The following MBNL2 variants were observed in gnomAD, a reference collection of about 807,000 sequenced individuals.
MBNL2 encodes muscleblind like splicing regulator 2.
In MBNL2, 17 loss-of-function variants were observed where a neutral mutation model predicts 41.9. That is an observed-to-expected ratio of 0.41 (90% confidence interval 0.28 to 0.61). The LOEUF is 0.61. Ranked by LOEUF, MBNL2 falls within the 20% of genes least tolerant of loss-of-function variation. The pLI is 0.35. For synonymous variants in MBNL2, 195 were observed against 182.9 expected, an observed-to-expected ratio of 1.07 and a Z score of -0.53; for missense variants, 336 against 505.6, an observed-to-expected ratio of 0.66 and a Z score of 3.22.
intron 7 of MBNL2, among the ~76,000 whole-genome samples, chr13:97,364,388 C>T (rs1313794034): frequency 6.6e-6 from 1 of 152,132 alleles, no homozygotes; most frequent in Non-Finnish European, 1.5e-5. Flanking sequence ...AGTGTTTAAG[C>T]TTTATTGCCA....
intron 5 of MBNL2, among the ~76,000 whole-genome samples, chr13:97,350,373 G>T (rs1297804805): frequency 2.0e-5 from 3 of 152,148 alleles, no homozygotes; most frequent in Non-Finnish European, 4.4e-5. Flanking sequence ...ACTGGTGAAA[G>T]TTGTGATGGC....
chr13:97,212,592 G>A, the MBNL2 span, among the ~76,000 whole-genome samples: 5 of 152,170 alleles, frequency 3.3e-5, no homozygotes, highest in Non-Finnish European at 5.9e-5. Context: ...GCCTGCCTGG[G>A]GCAAATGGGC....
At chr13:97,379,668 T>C (rs994533796) in intron 8 of MBNL2, among the ~76,000 whole-genome samples, 5 of 102,434 alleles carry the variant, frequency 4.9e-5, no homozygotes, top group African/African-American at 2.0e-4. Flanking sequence ...AAGCCCCAAA[T>C]GGGAAGGAGA....
chr13:97,178,477 C>A, the MBNL2 span, among the ~76,000 whole-genome samples: 1 of 152,158 alleles, frequency 6.6e-6, no homozygotes, highest in Non-Finnish European at 1.5e-5. Flanking sequence ...AATTGTTATA[C>A]AACCATTTTG....
upstream of MBNL2, among the ~76,000 whole-genome samples, chr13:97,218,239 T>C (rs1278254248): frequency 1.3e-5 from 2 of 151,812 alleles, no homozygotes; most frequent in African/African-American, 4.8e-5. Context: ...TGAAATCCCA[T>C]CTCTACTAAA....
the MBNL2 span, among the ~76,000 whole-genome samples, chr13:97,155,109 A>G: frequency 6.6e-6 from 1 of 152,052 alleles, no homozygotes; most frequent in Non-Finnish European, 1.5e-5. Context: ...TCATTTTTAG[A>G]GCTTTTTGTT....
chr13:97,191,340 G>A, the MBNL2 span, among the ~76,000 whole-genome samples: 2 of 149,390 alleles, frequency 1.3e-5, no homozygotes, highest in Non-Finnish European at 1.5e-5. Flanking sequence ...TTCAAGCTGC[G>A]AGGCAGTAAG....
the MBNL2 span, among the ~76,000 whole-genome samples, chr13:97,204,931 T>A: frequency 2.0e-5 from 3 of 151,938 alleles, no homozygotes; most frequent in Non-Finnish European, 2.9e-5. Context: ...AAAATTCACT[T>A]TGGGAGGCTG....
intron 7 of MBNL2, among the ~76,000 whole-genome samples, chr13:97,361,956 A>G (rs2063445074): frequency 6.6e-6 from 1 of 151,460 alleles, no homozygotes; most frequent in Non-Finnish European, 1.5e-5. Context: ...TATTTTTCGT[A>G]GAGACAGGAT....
chr13:97,241,889 T>C (rs1210371242), intron 1 of MBNL2, among the ~76,000 whole-genome samples: 4 of 152,036 alleles, frequency 2.6e-5, no homozygotes, highest in Non-Finnish European at 1.5e-5. Context: ...TGGTTTGAGA[T>C]AACTGTGCAG....
At chr13:97,222,278 C>G (rs1193627037), upstream of MBNL2, 2 of 396,506 alleles carry the variant, frequency 5.0e-6, no homozygotes, top group Non-Finnish European at 8.9e-6. Context: ...TTGGCTGGCC[C>G]CGGCTGGGAG....
the MBNL2 span, among the ~76,000 whole-genome samples, chr13:97,193,929 C>G: frequency 3.3e-5 from 5 of 152,194 alleles, no homozygotes; most frequent in Non-Finnish European, 7.3e-5. Context: ...TATGCTCCAG[C>G]CTCCCTGGTC....
chr13:97,193,028 C>G, the MBNL2 span, among the ~76,000 whole-genome samples: 1 of 152,212 alleles, frequency 6.6e-6, no homozygotes, highest in Non-Finnish European at 1.5e-5. Context: ...CACTTCCCAC[C>G]CAAGTCTAAA....
chr13:97,374,551 G>A (rs1353447267), intron 8 of MBNL2, among the ~76,000 whole-genome samples: 2 of 151,052 alleles, frequency 1.3e-5, no homozygotes, highest in Non-Finnish European at 3.0e-5. Context: ...CCGCCACCAC[G>A]CTCAGCTCAT....
chr13:97,142,046 G>GA, the MBNL2 span, among the ~76,000 whole-genome samples: 3 of 151,618 alleles, frequency 2.0e-5, no homozygotes, highest in Non-Finnish European at 4.4e-5. Flanking sequence ...AAACAAAAAA[G>GA]AAAAAAAATT....
At chr13:97,357,272 C>G (rs1156836652) in intron 6 of MBNL2, among the ~76,000 whole-genome samples, 4 of 152,116 alleles carry the variant, frequency 2.6e-5, no homozygotes, top group Admixed American at 6.5e-5. Context: ...AGTTGAGATG[C>G]TACCGTTTTG....
chr13:97,225,467 C>T (rs1316239942), intron 1 of MBNL2, among the ~76,000 whole-genome samples: 1 of 152,166 alleles, frequency 6.6e-6, no homozygotes, highest in Non-Finnish European at 1.5e-5. Context: ...AGGTGGATAA[C>T]TACAAGACAT....
chr13:97,334,749 A>G lies in MBNL2; in HGVS notation c.339+309A>G, dbSNP rs1350629135. Among the ~76,000 whole-genome samples, 1 of 152,202 alleles carries G rather than the reference A, an allele frequency of 6.6e-6. No homozygotes were observed. The highest frequency in any genetic ancestry group is 2.4e-5 in the African/African-American group (1 of 41,450). On this transcript the variant is annotated intron_variant, in intron 3 of 8. Coordinates refer to ENST00000679496, the MANE Select transcript of MBNL2 (RefSeq NM_001382683.1). This position sits in a 1 kb window ranked among gnomAD's most constrained non-coding sequence, Gnocchi z 5.3. ...AAATAGTTTTAACATGTTCATTTAC[A>G]GTGTGAATTAATAATCTATGTATCA...
rs1482541374 is a variant in MBNL2 at position 97,357,665 on chromosome 13, GC to G, written c.1012+33del. 1.2e-5 allele frequency: 19 copies of G among 1,609,168 alleles called. 1 individual carries two copies. The South Asian group carries it at 2.1e-4, about 18-fold the overall frequency. Reference sequence around the variant, plus strand: ...GTGCCCTTACTGCCCTACGTCCTGTGCCCTTCTGGTCATGTGCTTTCTTCTC... The same window carrying G: ...GTGCCCTTACTGCCCTACGTCCTGTGCCTTCTGGTCATGTGCTTTCTTCTC... On this transcript the variant is annotated intron_variant, in intron 7 of 8. Coordinates refer to ENST00000679496, the MANE Select transcript of MBNL2 (RefSeq NM_001382683.1).
Sources: allele counts gnomAD v4.1 joint callset (sites outside exome capture counted in the v4.1 genomes callset), GRCh38; gene constraint gnomAD v4.1.1; non-coding constraint Gnocchi (gnomAD v3.1); transcripts MANE v1.5; gene names NCBI Gene and HGNC (gene_info 2026-07-23, HGNC 2026-07-21).